Variants in MYOF observed in about 807,000 individuals in gnomAD.
MYOF encodes the protein myoferlin.
In MYOF, 244 loss-of-function variants were observed where a neutral mutation model predicts 284.2. The ratio of observed to expected loss-of-function variants is 0.86; its 90% CI spans 0.77 to 0.95. MYOF has a LOEUF of 0.95. Among genes scored for constraint, MYOF ranks in the 40% least tolerant of loss-of-function variants. The probability of loss-of-function intolerance (pLI) is 0.00; values close to 1 mark genes in which losing one functional copy is unlikely to be tolerated. For synonymous variants in MYOF, 904 were observed against 919.7 expected, an observed-to-expected ratio of 0.98 and a Z score of 0.31; for missense variants, 2,496 against 2,560.6, an observed-to-expected ratio of 0.97 and a Z score of 0.54.
intron 12 of MYOF, 95 bp downstream of exon 12, chr10:93,401,323 G>T: frequency 1.3e-6 from 2 of 1,497,862 alleles, no homozygotes; most frequent in Non-Finnish European, 9.0e-7. Context: ...AAAAACATAC[G>T]ATAGGGACAC....
chr10:93,368,169 G>T (rs1032190122), intron 25 of MYOF, among the ~76,000 whole-genome samples: 1 of 152,144 alleles, frequency 6.6e-6, no homozygotes, highest in Non-Finnish European at 1.5e-5. Context: ...ATGCCATGAA[G>T]CCCCTACTCC....
At chr10:93,368,768 T>C (rs1470923581) in intron 25 of MYOF, among the ~76,000 whole-genome samples, 2 of 152,192 alleles carry the variant, frequency 1.3e-5, no homozygotes, top group Non-Finnish European at 2.9e-5. Context: ...CTGAACCAGT[T>C]GTCAGGTATA....
intron 12 of MYOF, among the ~76,000 whole-genome samples, 195 bp downstream of exon 12, chr10:93,401,223 G>A (rs930406942): frequency 7.9e-5 from 12 of 152,188 alleles, no homozygotes; most frequent in Admixed American, 6.5e-4. Context: ...AACATGATCA[G>A]CAACCAACTA....
intron 45 of MYOF, among the ~76,000 whole-genome samples, chr10:93,327,262 C>A (rs1040847993): frequency 5.3e-5 from 8 of 152,014 alleles, no homozygotes; most frequent in Admixed American, 2.0e-4. Flanking sequence ...CCTGACTGCT[C>A]CCCCGAGCAG....
Position 93,401,469 on chromosome 10 carries a change from G to A in MYOF, c.1066C>T (p.Arg356Trp), listed in dbSNP as rs766693329. Residue 356 changes from arginine (R) to tryptophan (W), a missense_variant, in exon 12 of 54, where the codon CGG (arginine) becomes TGG (tryptophan). By Grantham distance (101) the Arg-to-Trp change is moderately radical (BLOSUM62 -3). Transcript: ENST00000359263. ...ATTTTCAGCAAGAAGGTCACCCACC[G>A]GAGGGCAATGCCAGCAGGGAGTAAC... ...NLLLPAGIALRWVTFLLKIYR... is the reference protein window; with the variant it reads ...NLLLPAGIALWWVTFLLKIYR... 4.0e-5 allele frequency: 65 copies of A among 1,614,014 alleles called. 1 individual carries two copies. The highest frequency in any genetic ancestry group is 3.4e-4 in the South Asian group (31 of 91,076).
At chr10:93,359,718 G>C in intron 29 of MYOF, 115 bp downstream of exon 29, 1 of 1,365,106 alleles carries the variant, frequency 7.3e-7, no homozygotes, top group East Asian at 2.3e-5. Flanking sequence ...CCCTTGAGTG[G>C]AGTGTTAGGC....
intron 1 of MYOF, among the ~76,000 whole-genome samples, chr10:93,468,172 A>G (rs1262863566): frequency 6.6e-6 from 1 of 152,250 alleles, no homozygotes; most frequent in Non-Finnish European, 1.5e-5. Context: ...GAATTTGAAT[A>G]TAGGTCTTCT....
intron 5 of MYOF, among the ~76,000 whole-genome samples, chr10:93,414,996 G>A (rs1277221080): frequency 2.0e-5 from 3 of 151,952 alleles, no homozygotes; most frequent in East Asian, 3.9e-4. Flanking sequence ...CACCCTCCTC[G>A]GCCTCCCAAA....
rs1846395875 is a variant in MYOF, at chr10:93,386,876, T to A, written c.1698+921A>T. 1.3e-5 allele frequency among the ~76,000 whole-genome samples: 2 copies of A among 152,128 alleles called. 1 individual carries two copies. Among genetic ancestry groups the A allele is most frequent in the South Asian group, 4.1e-4 (2 of 4,820 alleles). On this transcript the variant is annotated intron_variant, in intron 19 of 53. Coordinates refer to ENST00000359263, the MANE Select transcript of MYOF (RefSeq NM_013451.4). The stretch of plus-strand genomic sequence containing the variant: ...AGAAGGCCCTGGCTCGCTGGAGAAC[T>A]CACGGCAGTTGGGCCTGGACTCAGA...
chr10:93,345,493 TCA>T (rs1357230203), intron 37 of MYOF, among the ~76,000 whole-genome samples: 1 of 152,068 alleles, frequency 6.6e-6, no homozygotes, highest in Admixed American at 6.5e-5. Flanking sequence ...CTGTGATATA[TCA>T]GTTACTGTGT....
intron 5 of MYOF, among the ~76,000 whole-genome samples, chr10:93,424,540 G>C (rs1848497850): frequency 6.6e-6 from 1 of 152,180 alleles, no homozygotes; most frequent in Non-Finnish European, 1.5e-5. Context: ...AGGGCTGAGT[G>C]TCCAAAGCCA....
At chr10:93,447,470 C>G (rs2056464298) in intron 3 of MYOF, among the ~76,000 whole-genome samples, 1 of 152,204 alleles carries the variant, frequency 6.6e-6, no homozygotes, top group African/African-American at 2.4e-5. Flanking sequence ...GTTTAAGCCC[C>G]TACACCTGGA....
chr10:93,366,117 G>A (rs1261227425), intron 26 of MYOF, among the ~76,000 whole-genome samples: 1 of 152,194 alleles, frequency 6.6e-6, no homozygotes, highest in Non-Finnish European at 1.5e-5. Flanking sequence ...TAGGGCTGTA[G>A]TAAAGATTAA....
chr10:93,428,909 C>T (rs535910830), intron 4 of MYOF, among the ~76,000 whole-genome samples: 68 of 152,318 alleles, frequency 4.5e-4, no homozygotes, highest in African/African-American at 1.6e-3. Flanking sequence ...TCTATAACCT[C>T]AGGATTCCCA....
In MYOF at chr10:93,313,042, T is replaced by C. The variant is rs1589371717; in HGVS notation, c.5867A>G (p.Lys1956Arg). The C allele has an allele frequency of 6.2e-7, 1 of 1,611,658 alleles. No individual in the cohort carries two copies. Among genetic ancestry groups the C allele is most frequent in the Non-Finnish European group, 8.5e-7 (1 of 1,179,164 alleles). Residue 1956 changes from lysine to arginine, a missense_variant, in exon 51 of 54, where the codon AAA becomes AGA. Lys to Arg is a conservative substitution (Grantham distance 26). Coordinates refer to ENST00000359263, the MANE Select transcript of MYOF (RefSeq NM_013451.4). ...TACAGCCATTACGCGGGCGCCATCT[T>C]TCTCTGCGTAGCATGGCCACCATCC... Reference protein sequence around the residue: ...MKGWWPCYAEKDGARVMAGKV... With the variant: ...MKGWWPCYAERDGARVMAGKV...
chr10:93,380,307 G>A (rs935921393), intron 20 of MYOF, among the ~76,000 whole-genome samples: 2 of 152,158 alleles, frequency 1.3e-5, no homozygotes, highest in Non-Finnish European at 2.9e-5. Context: ...AGATGACATA[G>A]GAAGCTAGAC....
chr10:93,338,319 GC>G, intron 39 of MYOF: 1 of 457,962 alleles, frequency 2.2e-6, no homozygotes, highest in Non-Finnish European at 4.4e-6. Flanking sequence ...AGCCAGTAAT[GC>G]CTTGTAATAC....
chr10:93,410,780 CCTT>C (rs1425995789), intron 5 of MYOF, among the ~76,000 whole-genome samples: 1 of 152,226 alleles, frequency 6.6e-6, no homozygotes, highest in African/African-American at 2.4e-5. Context: ...TTCTGAAACT[CCTT>C]CTCTACGATG....
rs201274786 is a variant in MYOF at position 93,333,849 on chromosome 10, C to T, written c.4628G>A (p.Arg1543Gln). The change falls in exon 42 of 54, where the codon CGG becomes CAG. Residue 1543 changes from arginine to glutamine, a missense_variant. Coordinates refer to ENST00000359263, the MANE Select transcript of MYOF (RefSeq NM_013451.4). ...CTGTGGGACGCTGTCAGGTAATTCCCGAAACTGTCTGGGAGGGGCTGGCAC... is the reference window on the plus strand; with the variant it reads ...CTGTGGGACGCTGTCAGGTAATTCCTGAAACTGTCTGGGAGGGGCTGGCAC... ...PSVPAPPRQF[R>Q]ELPDSVPQEC... The T allele has an allele frequency of 8.8e-5, 142 of 1,614,016 alleles. No homozygotes were observed. The highest frequency in any genetic ancestry group is 8.0e-4 in the South Asian group (73 of 91,074).
Sources: gnomAD v4.1 joint callset for allele counts (sites outside exome capture counted in the v4.1 genomes callset) on GRCh38, gnomAD v4.1.1 for gene constraint, MANE v1.5 for transcripts, NCBI Gene and HGNC (gene_info 2026-07-23, HGNC 2026-07-21) for gene names.